CENPP: variants seen among roughly 807,000 people sequenced by gnomAD.
CENPP encodes centromere protein P.
Under a neutral mutation model 35.6 loss-of-function variants are expected in CENPP, and 24 were observed. The observed-to-expected ratio is 0.67, with a 90% CI of 0.49 to 0.95. The LOEUF is 0.95. Ranked by LOEUF, CENPP falls within the 40% of genes least tolerant of loss-of-function variation. The pLI, the probability that CENPP is intolerant of heterozygous loss-of-function variation, is 0.00. For missense variants in CENPP, 332 were observed against 345.3 expected (o/e 0.96, Z 0.31); for synonymous variants, 120 against 125.5 (o/e 0.96, Z 0.29).
At chr9:92,326,184 T>G in intron 1 of CENPP, 79 bp downstream of exon 1, 2 of 884,160 alleles carry the variant, frequency 2.3e-6, no homozygotes, top group East Asian at 5.6e-5. Context: ...ACAGACATCC[T>G]CGGTCTCCTA....
intron 5 of CENPP, among the ~76,000 whole-genome samples, chr9:92,533,328 A>AAAAAAAAAAAAAAAAAAAATATAT (rs1554683138): frequency 2.6e-5 from 1 of 38,332 alleles, no homozygotes; most frequent in Non-Finnish European, 4.3e-5. Context: ...AAAAAAAAAA[A>AAAAAAAAAAAAAAAAAAAATATAT]ATATATATAT....
chr9:92,439,075 GA>G (rs754597711), intron 5 of CENPP, among the ~76,000 whole-genome samples: 1 of 152,182 alleles, frequency 6.6e-6, no homozygotes, highest in Non-Finnish European at 1.5e-5. Flanking sequence ...AAGTGACTTA[GA>G]TTTTTTTGCA....
chr9:92,459,657 C>T, intron 5 of CENPP: 1 of 1,613,004 alleles, frequency 6.2e-7, no homozygotes, highest in Non-Finnish European at 8.5e-7. Context: ...CTCTGGTAAT[C>T]CTGAAGGGAT....
intron 5 of CENPP, among the ~76,000 whole-genome samples, chr9:92,570,904 T>C (rs1169713933): frequency 6.6e-6 from 1 of 152,240 alleles, no homozygotes; most frequent in African/African-American, 2.4e-5. Context: ...AGTTTGTATT[T>C]CTGTGGGATT....
intron 5 of CENPP, among the ~76,000 whole-genome samples, chr9:92,589,338 T>A (rs970314564): frequency 1.8e-4 from 27 of 150,484 alleles, no homozygotes; most frequent in Non-Finnish European, 3.8e-4. Flanking sequence ...AGCAAGACCC[T>A]GTCTCAAAAA....
chr9:92,585,346 AT>A (rs1322996054), intron 5 of CENPP, among the ~76,000 whole-genome samples: 13 of 152,278 alleles, frequency 8.5e-5, no homozygotes, highest in African/African-American at 3.1e-4. Context: ...AGTTTTGGAG[AT>A]TTGTAAATGA....
At chr9:92,326,233 C>T (rs1396280764) in intron 1 of CENPP, 128 bp downstream of exon 1, 2 of 649,592 alleles carry the variant, frequency 3.1e-6, no homozygotes, top group East Asian at 5.9e-5. Flanking sequence ...TGGCATTGAT[C>T]CTGTCATGAC....
At chr9:92,606,481 C>A (rs188506120) in intron 5 of CENPP, among the ~76,000 whole-genome samples, 1 of 152,230 alleles carries the variant, frequency 6.6e-6, no homozygotes, top group Non-Finnish European at 1.5e-5. Flanking sequence ...GGCAACTCCC[C>A]AATGGTTGGA....
At chr9:92,491,895 G>A (rs575076292) in intron 5 of CENPP, among the ~76,000 whole-genome samples, 1 of 152,118 alleles carries the variant, frequency 6.6e-6, no homozygotes, top group East Asian at 1.9e-4. Flanking sequence ...CTTGAATCTG[G>A]TCTAATTCCT....
At chr9:92,489,977 C>A (rs1050340954) in intron 5 of CENPP, among the ~76,000 whole-genome samples, 28 of 152,180 alleles carry the variant, frequency 1.8e-4, no homozygotes, top group African/African-American at 6.8e-4. Context: ...TATTCAATAC[C>A]AATCTAAGAA....
chr9:92,420,645 CTTTTT>C lies in CENPP; in HGVS notation c.564+40790_564+40794del, dbSNP rs543094238. ...TTGTTTTTGGGTGATGACCTTGCTT[CTTTTT>C]TTTAAGTCAAGAAAATAGGATCAAG... is the stretch of plus-strand genomic sequence containing the variant. On this transcript the variant is annotated intron_variant, in intron 5 of 7. Transcript: ENST00000375587. 3.1e-3 allele frequency among the ~76,000 whole-genome samples: 474 copies of C among 151,866 alleles called. 3 individuals carry two copies. The highest frequency in any genetic ancestry group is 0.011 in the African/African-American group (442 of 41,406).
chr9:92,575,256 A>G (rs1223147207), intron 5 of CENPP, among the ~76,000 whole-genome samples: 1 of 152,218 alleles, frequency 6.6e-6, no homozygotes, highest in Non-Finnish European at 1.5e-5. Context: ...CATTATGAAC[A>G]GTGAAAAGGC....
intron 5 of CENPP, among the ~76,000 whole-genome samples, chr9:92,565,587 A>G (rs1849949642): frequency 6.6e-6 from 1 of 152,182 alleles, no homozygotes; most frequent in Non-Finnish European, 1.5e-5. Context: ...AATATCAGAG[A>G]TTTGTGCTCT....
intron 5 of CENPP, among the ~76,000 whole-genome samples, chr9:92,451,646 T>A (rs1844712464): frequency 6.6e-6 from 1 of 152,072 alleles, no homozygotes; most frequent in South Asian, 2.1e-4. Context: ...AAGTCATTGG[T>A]AGCTTGATGG....
intron 5 of CENPP, among the ~76,000 whole-genome samples, chr9:92,521,592 A>G (rs1285974620): frequency 3.9e-5 from 6 of 152,190 alleles, no homozygotes. Flanking sequence ...TGAAAGTTTT[A>G]TTTAGTGGTA....
At chr9:92,346,135 G>T (rs1486698283) in intron 4 of CENPP, among the ~76,000 whole-genome samples, 1 of 152,190 alleles carries the variant, frequency 6.6e-6, no homozygotes, top group African/African-American at 2.4e-5. Context: ...TGCTACAAAG[G>T]AGAGTTACAT....
chr9:92,337,550 A>G lies in CENPP; in HGVS notation c.299A>G (p.Lys100Arg). 6.3e-7 allele frequency: 1 copy of G among 1,591,936 alleles called. No homozygotes were observed. Among genetic ancestry groups the G allele is most frequent in the East Asian group, 2.2e-5 (1 of 44,748 alleles). The change falls in exon 3 of 8, where the codon AAA becomes AGA. Residue 100 changes from lysine to arginine, a missense_variant. Transcript: ENST00000375587. ...STEMTEKSIR[K>R]VLQRHRLSGN... is the part of the protein sequence containing the mutation. Reference sequence around the variant, plus strand: ...TTTTTCTGCTTTACAGGTATTAGAAAAGTTCTACAGAGACACAGATTATCA... The same window carrying G: ...TTTTTCTGCTTTACAGGTATTAGAAGAGTTCTACAGAGACACAGATTATCA...
At chr9:92,608,405 G>C (rs1564019978) in intron 5 of CENPP, among the ~76,000 whole-genome samples, 1 of 152,166 alleles carries the variant, frequency 6.6e-6, no homozygotes, top group Non-Finnish European at 1.5e-5. Flanking sequence ...TTCCTCATCA[G>C]AGCATGTTTG....
At chr9:92,598,781 A>C (rs10992382) in intron 5 of CENPP, among the ~76,000 whole-genome samples, 34,976 of 150,706 alleles carry the variant, frequency 0.23, 4,872 homozygotes, top group East Asian at 0.66. Flanking sequence ...CCAGCTTAAC[A>C]GAATTAAAAT....
Sources: gnomAD v4.1 joint callset for allele counts (sites outside exome capture counted in the v4.1 genomes callset) on GRCh38, gnomAD v4.1.1 for gene constraint, MANE v1.5 for transcripts, NCBI Gene and HGNC (gene_info 2026-07-23, HGNC 2026-07-21) for gene names.